PTPN9: variants seen among roughly 807,000 people sequenced by gnomAD.
PTPN9 encodes the protein protein tyrosine phosphatase non-receptor type 9.
A neutral mutation model predicts 69.8 loss-of-function variants in PTPN9; 26 were observed. The ratio of observed to expected loss-of-function variants is 0.37; its 90% CI spans 0.27 to 0.52. The LOEUF (loss-of-function observed/expected upper bound fraction) is 0.52. Ranked by LOEUF, PTPN9 falls within the 20% of genes least tolerant of loss-of-function variation. The pLI is 0.91. For synonymous variants in PTPN9, 274 were observed against 272.5 expected (o/e 1.01, Z -0.05); for missense variants, 549 against 740.3 (o/e 0.74, Z 3.00).
intron 1 of PTPN9, among the ~76,000 whole-genome samples, chr15:75,528,169 T>A (rs143867121): frequency 8.3e-4 from 127 of 152,262 alleles, no homozygotes; most frequent in African/African-American, 2.9e-3. Flanking sequence ...TAACAGCCCC[T>A]CTGGATAGTG....
chr15:75,485,836 C>G (rs1409027657), intron 8 of PTPN9, among the ~76,000 whole-genome samples: 1 of 151,338 alleles, frequency 6.6e-6, no homozygotes, highest in African/African-American at 2.4e-5. Context: ...CGCAGTGGCT[C>G]ACGCCTGTAA....
chr15:75,559,688 T>A (rs1402053232), intron 1 of PTPN9, among the ~76,000 whole-genome samples: 1 of 149,836 alleles, frequency 6.7e-6, no homozygotes, highest in Non-Finnish European at 1.5e-5. Flanking sequence ...GTTCACTTGT[T>A]TATCTGCTGA....
intron 9 of PTPN9, among the ~76,000 whole-genome samples, chr15:75,477,261 A>G (rs969163186): frequency 3.9e-5 from 6 of 152,216 alleles, no homozygotes; most frequent in African/African-American, 1.2e-4. Context: ...GCATTTATGC[A>G]TCTGATATAT....
chr15:75,565,972 G>A (rs1446112206), intron 1 of PTPN9, among the ~76,000 whole-genome samples: 18 of 152,086 alleles, frequency 1.2e-4, no homozygotes, highest in Admixed American at 1.2e-3. Context: ...TTATTTCAAT[G>A]CTACAAAGTC....
At chr15:75,558,767 G>C (rs1282648492) in intron 1 of PTPN9, among the ~76,000 whole-genome samples, 2 of 152,238 alleles carry the variant, frequency 1.3e-5, no homozygotes, top group East Asian at 3.9e-4. Context: ...CTAACCGCGA[G>C]TGATCTGCCA....
intron 1 of PTPN9, among the ~76,000 whole-genome samples, chr15:75,560,430 G>T (rs2075099479): frequency 6.6e-6 from 1 of 152,122 alleles, no homozygotes; most frequent in South Asian, 2.1e-4. Context: ...AGCCTCCTTA[G>T]TGAGGCAAAT....
At chr15:75,571,425 A>G (rs900195350) in intron 1 of PTPN9, among the ~76,000 whole-genome samples, 1 of 152,116 alleles carries the variant, frequency 6.6e-6, no homozygotes, top group Admixed American at 6.6e-5. Context: ...CAAAAAAAGA[A>G]AAAACATAAA....
At chr15:75,519,572 A>C (rs1161498507) in intron 4 of PTPN9, among the ~76,000 whole-genome samples, 1 of 151,996 alleles carries the variant, frequency 6.6e-6, no homozygotes, top group Non-Finnish European at 1.5e-5. Context: ...CTTAGTTTCA[A>C]CTGGCACCTA....
At chr15:75,476,471 C>T (rs1457054372) in intron 9 of PTPN9, among the ~76,000 whole-genome samples, 3 of 152,102 alleles carry the variant, frequency 2.0e-5, no homozygotes, top group Non-Finnish European at 2.9e-5. Context: ...TGCACCACTA[C>T]GCTCGGCTAC....
intron 1 of PTPN9, among the ~76,000 whole-genome samples, chr15:75,561,784 A>T (rs2075105046): frequency 6.6e-6 from 1 of 152,086 alleles, no homozygotes; most frequent in South Asian, 2.1e-4. Context: ...ATCTCGGCTC[A>T]CCACAATCTC....
intron 1 of PTPN9, among the ~76,000 whole-genome samples, chr15:75,553,426 G>A (rs894944057): frequency 6.6e-6 from 1 of 152,162 alleles, no homozygotes; most frequent in Non-Finnish European, 1.5e-5. Context: ...TAAACTTTAA[G>A]AGGGTCACCG....
chr15:75,529,569 G>T (rs1488482974), intron 1 of PTPN9, among the ~76,000 whole-genome samples: 1 of 152,190 alleles, frequency 6.6e-6, no homozygotes, highest in Non-Finnish European at 1.5e-5. Context: ...AGCCTACCAT[G>T]TGACCATGGA....
intron 2 of PTPN9, 21 bp downstream of exon 2, chr15:75,527,097 G>C: frequency 6.2e-7 from 1 of 1,613,978 alleles, no homozygotes; most frequent in Non-Finnish European, 8.5e-7. Flanking sequence ...CACAGGTCTG[G>C]TCTACCCCTG....
chr15:75,553,085 A>T (rs896619774), intron 1 of PTPN9, among the ~76,000 whole-genome samples: 23 of 152,050 alleles, frequency 1.5e-4, no homozygotes, highest in Non-Finnish European at 4.4e-5. Context: ...AAACGGGGGT[A>T]ATACTACACA....
intron 8 of PTPN9, among the ~76,000 whole-genome samples, chr15:75,489,115 C>A (rs922049104): frequency 1.5e-5 from 2 of 132,536 alleles, no homozygotes; most frequent in African/African-American, 5.9e-5. Context: ...GTGGAGCTTG[C>A]GGTGAGCCAA....
chr15:75,530,061 G>C (rs1369164139), intron 1 of PTPN9, among the ~76,000 whole-genome samples: 1 of 151,560 alleles, frequency 6.6e-6, no homozygotes, highest in African/African-American at 2.4e-5. Context: ...AATTAGCTGG[G>C]CATGGTGGCA....
At chr15:75,559,057 C>G (rs1264599490) in intron 1 of PTPN9, among the ~76,000 whole-genome samples, 1 of 149,546 alleles carries the variant, frequency 6.7e-6, no homozygotes, top group Non-Finnish European at 1.5e-5. Context: ...CACCTCTTCC[C>G]GGCCGCCATC....
chr15:75,474,795 C>T (rs1180374791), intron 9 of PTPN9, among the ~76,000 whole-genome samples: 2 of 152,188 alleles, frequency 1.3e-5, no homozygotes, highest in Non-Finnish European at 1.5e-5. Flanking sequence ...CTGTAACACC[C>T]TCTTAGTCTA....
chr15:75,552,966 G>A (rs1036165150), intron 1 of PTPN9, among the ~76,000 whole-genome samples: 6 of 151,770 alleles, frequency 4.0e-5, no homozygotes, highest in East Asian at 3.9e-4. Context: ...AAAAAGCAAC[G>A]GCCTTTAGAG....
Sources: allele counts gnomAD v4.1 joint callset (sites outside exome capture counted in the v4.1 genomes callset), GRCh38; gene constraint gnomAD v4.1.1; transcripts MANE v1.5; gene names NCBI Gene and HGNC (gene_info 2026-07-23, HGNC 2026-07-21).